NUP188: variants seen among roughly 807,000 people sequenced by gnomAD.
The protein encoded by NUP188 is nucleoporin NUP188.
A neutral mutation model predicts 223.0 loss-of-function variants in NUP188; 97 were observed. That is an observed-to-expected ratio of 0.43 (90% CI 0.37 to 0.51). NUP188 has a LOEUF of 0.51. NUP188 is among the 20% of genes least tolerant of loss of function. The probability of loss-of-function intolerance (pLI) is 0.00; values close to 1 mark genes in which losing one functional copy is unlikely to be tolerated. For missense variants in NUP188, 1,947 were observed against 2,175.6 expected, an observed-to-expected ratio of 0.89 and a Z score of 2.09; for synonymous variants, 869 against 828.0, an observed-to-expected ratio of 1.05 and a Z score of -0.85.
At chr9:128,953,324 T>A (rs1841822192) in intron 3 of NUP188, among the ~76,000 whole-genome samples, 1 of 152,258 alleles carries the variant, frequency 6.6e-6, no homozygotes, top group Non-Finnish European at 1.5e-5. Flanking sequence ...TATAGATCTT[T>A]TTATTGGGTA....
chr9:128,996,627 C>T lies in NUP188; in HGVS notation c.3351+1113C>T, dbSNP rs538250540. On this transcript the variant is annotated intron_variant, in intron 30 of 43. Coordinates refer to ENST00000372577, the MANE Select transcript of NUP188 (RefSeq NM_015354.3). Reference sequence around the variant, plus strand: ...TTGCTGTGGCATGGTGGTTTTGGACCCCTAAGGCTCCAAACACACTTAAAG... The same window carrying T: ...TTGCTGTGGCATGGTGGTTTTGGACTCCTAAGGCTCCAAACACACTTAAAG... Among the ~76,000 whole-genome samples the T allele has an allele frequency of 6.6e-4, 100 of 152,130 alleles. 1 individual carries two copies. The highest frequency in any genetic ancestry group is 2.2e-3 in the African/African-American group (93 of 41,498).
At chr9:129,001,246 C>T (rs1010848248) in intron 34 of NUP188, among the ~76,000 whole-genome samples, 2 of 143,116 alleles carry the variant, frequency 1.4e-5, no homozygotes, top group Admixed American at 1.4e-4. Flanking sequence ...CGAGGTGGCT[C>T]TGACAAGGGT....
chr9:128,997,104 C>T (rs912676742), intron 30 of NUP188, among the ~76,000 whole-genome samples: 2 of 152,202 alleles, frequency 1.3e-5, no homozygotes, highest in Non-Finnish European at 2.9e-5. Flanking sequence ...GTCAGGGTGG[C>T]CTTCTCTGAG....
intron 33 of NUP188, 101 bp downstream of exon 33, chr9:128,999,418 G>A (rs1842596409): frequency 6.8e-7 from 1 of 1,467,688 alleles, no homozygotes; most frequent in Non-Finnish European, 9.2e-7. Context: ...TTTCTTCTGG[G>A]ACTTTTGAGT....
At chr9:128,975,088 A>G (rs546954073) in intron 12 of NUP188, among the ~76,000 whole-genome samples, 3 of 151,936 alleles carry the variant, frequency 2.0e-5, no homozygotes, top group Admixed American at 6.6e-5. Flanking sequence ...GCTCAGTCCC[A>G]TATTTGGCCT....
At position 128,959,146 on chromosome 9, in the gene NUP188, C is replaced by G. The variant is rs1273424172; in HGVS notation, c.585+12C>G. On this transcript the variant is annotated intron_variant, in intron 8 of 43. Transcript: ENST00000372577. ...ATGGAAATCTCATGGTATGTGGTTA[C>G]TGTGCTCTCCTGTAACTTTTTTTTT... The G allele has an allele frequency of 1.3e-6, 2 of 1,559,526 alleles. No homozygotes were observed. Among genetic ancestry groups the G allele is most frequent in the Non-Finnish European group, 1.7e-6 (2 of 1,155,842 alleles).
At chr9:128,973,284 GC>G in intron 12 of NUP188, 35 bp downstream of exon 12, 2 of 1,461,854 alleles carry the variant, frequency 1.4e-6, no homozygotes, top group Non-Finnish European at 1.9e-6. Context: ...TGTCTCTACT[GC>G]CCAGCTTTGC....
intron 8 of NUP188, chr9:128,964,393 G>A (rs372198409): frequency 2.6e-5 from 6 of 227,178 alleles, no homozygotes; most frequent in African/African-American, 7.4e-5. Context: ...ACAAGGTCTC[G>A]GTTTGTCACT....
rs771650254 is a variant in NUP188 at position 128,973,218 on chromosome 9, C to T, written c.1172C>T (p.Ser391Leu). The stretch of plus-strand genomic sequence containing the variant: ...GGACTGCTCTCTTTCGTTCTGACCT[C>T]GTTGGAGCTGCACACCCTGGGCAAT... ...VYGLLSFVLT[S>L]LELHTLGNQQ... Residue 391 changes from serine to leucine, a missense_variant, in exon 12 of 44, where the codon TCG becomes TTG. Transcript: ENST00000372577. The T allele has an allele frequency of 3.0e-5, 49 of 1,613,388 alleles. No individual in the cohort carries two copies. Among genetic ancestry groups the T allele is most frequent in the Non-Finnish European group, 3.9e-5 (46 of 1,179,926 alleles).
chr9:128,981,231 G>T, intron 14 of NUP188, 33 bp from the exon 15 acceptor site: 1 of 1,607,482 alleles, frequency 6.2e-7, no homozygotes, highest in Non-Finnish European at 8.5e-7. Flanking sequence ...TATCCTGGAG[G>T]GAAATGTGTG....
At chr9:128,989,436 C>A (rs1478774332) in intron 24 of NUP188, among the ~76,000 whole-genome samples, 1 of 152,116 alleles carries the variant, frequency 6.6e-6, no homozygotes, top group Non-Finnish European at 1.5e-5. Flanking sequence ...TGCAGTGGCT[C>A]ACGCTTTTAA....
At chr9:128,987,545 C>T (rs779551028) in intron 22 of NUP188, 44 bp from the exon 23 acceptor site, 1 of 1,586,540 alleles carries the variant, frequency 6.3e-7, no homozygotes, top group South Asian at 1.2e-5. Flanking sequence ...TTCCAAGATA[C>T]ACTGAGTGGC....
rs1053249213 is a variant in NUP188, at chr9:128,994,842, T to C, written c.3088-14T>C. The C allele has an allele frequency of 6.2e-7, 1 of 1,610,580 alleles. No homozygotes were observed. Among genetic ancestry groups the C allele is most frequent in the Non-Finnish European group, 8.5e-7 (1 of 1,176,858 alleles). On this transcript the variant is annotated splice_polypyrimidine_tract_variant and intron_variant, in intron 28 of 43. Transcript: ENST00000372577. ...TCAGAGATGTGATAATTGCCTGTTC[T>C]GCTATCTCCACAGCCCAGCATCCTG...
At chr9:128,991,965 T>C (rs2131176275) in intron 25 of NUP188, among the ~76,000 whole-genome samples, 1 of 145,948 alleles carries the variant, frequency 6.9e-6, no homozygotes, top group Admixed American at 7.0e-5. Context: ...TGGAGTGCAG[T>C]GGCGCGATCT....
chr9:129,001,631 C>G lies in NUP188; in HGVS notation c.3946C>G (p.Leu1316Val), dbSNP rs763076081. Reference sequence around the variant, plus strand: ...CCGCAGGCTCCCCATCCTACCCACCCTCCTCACCACTCTAGAGGTGAGCCT... The same window carrying G: ...CCGCAGGCTCCCCATCCTACCCACCGTCCTCACCACTCTAGAGGTGAGCCT... ...VTRRLPILPT[L>V]LTTLEVSLRM... The change falls in exon 35 of 44, where the codon CTC becomes GTC. Residue 1316 changes from leucine to valine, a missense_variant. Coordinates refer to ENST00000372577, the MANE Select transcript of NUP188 (RefSeq NM_015354.3). The G allele has an allele frequency of 1.2e-5, 19 of 1,613,940 alleles. No homozygotes were observed. The highest frequency in any genetic ancestry group is 1.5e-5 in the Non-Finnish European group (18 of 1,179,972).
intron 19 of NUP188, 102 bp downstream of exon 19, chr9:128,983,652 G>C: frequency 1.1e-6 from 1 of 892,924 alleles, no homozygotes; most frequent in Admixed American, 2.5e-5. Flanking sequence ...GTATTTGTTT[G>C]TTTATTTTTT....
chr9:128,995,052 G>A (rs1462250982), intron 29 of NUP188, 129 bp downstream of exon 29: 3 of 732,142 alleles, frequency 4.1e-6, no homozygotes, highest in South Asian at 1.6e-5. Context: ...TTCATGGAAG[G>A]CCAGTGAGCT....
chr9:128,983,283 C>T lies in NUP188; in HGVS notation c.1797-10C>T. On this transcript the variant is annotated splice_polypyrimidine_tract_variant and intron_variant, in intron 17 of 43. Coordinates refer to ENST00000372577, the MANE Select transcript of NUP188 (RefSeq NM_015354.3). ...GCTTTATTGAGTATAGTGTATTGTT[C>T]TCCAACCAGGTTAACGACAGTGATC... 1.2e-6 allele frequency: 2 copies of T among 1,611,540 alleles called. No homozygotes were observed. Among genetic ancestry groups the T allele is most frequent in the Non-Finnish European group, 8.5e-7 (1 of 1,177,804 alleles).
chr9:128,950,270 G>A (rs1025931044), intron 2 of NUP188, among the ~76,000 whole-genome samples: 1 of 151,954 alleles, frequency 6.6e-6, no homozygotes, highest in African/African-American at 2.4e-5. Context: ...CGCCCAGGTT[G>A]GAGTGCAGTG....
Sources: allele counts gnomAD v4.1 joint callset (sites outside exome capture counted in the v4.1 genomes callset), GRCh38; gene constraint gnomAD v4.1.1; transcripts MANE v1.5; gene names NCBI Gene and HGNC (gene_info 2026-07-23, HGNC 2026-07-21).